Variants in PGAM5 observed in about 807,000 individuals in gnomAD.
The protein encoded by PGAM5 is serine/threonine-protein phosphatase PGAM5, mitochondrial.
Under a neutral mutation model 30.6 loss-of-function variants are expected in PGAM5, and 25 were observed. That is an observed-to-expected ratio of 0.82 (90% CI 0.60 to 1.14). PGAM5 has a LOEUF of 1.14. Ranked by LOEUF, PGAM5 falls within the 50% of genes most tolerant of loss-of-function variation. PGAM5 has a pLI of 0.00. For synonymous variants in PGAM5, 201 were observed against 179.1 expected (o/e 1.12, Z -0.98); for missense variants, 384 against 408.5 (o/e 0.94, Z 0.52).
At chr12:132,715,650 A>G (rs952820539) in intron 2 of PGAM5, among the ~76,000 whole-genome samples, 1 of 151,720 alleles carries the variant, frequency 6.6e-6, no homozygotes, top group African/African-American at 2.4e-5. Context: ...AGGCCGAGGC[A>G]GGTGGATCAC....
At chr12:132,719,487 G>A (rs2043621840) in intron 5 of PGAM5, among the ~76,000 whole-genome samples, 1 of 152,188 alleles carries the variant, frequency 6.6e-6, no homozygotes, top group African/African-American at 2.4e-5. Context: ...CAGGCTAAGT[G>A]AGTACCTGTT....
rs914433496 is a variant in PGAM5 at position 132,718,987 on chromosome 12, T to A, written c.719+867T>A. ...GTGCCCCACTCTCAGCACCACAGAATGATCCGGGTTCAGGTTGCGTTTTCC... is the reference window on the plus strand; with the variant it reads ...GTGCCCCACTCTCAGCACCACAGAAAGATCCGGGTTCAGGTTGCGTTTTCC... On this transcript the variant is annotated intron_variant, in intron 5 of 5. Transcript: ENST00000498926. The A allele has an allele frequency of 5.5e-6, 8 of 1,453,678 alleles. No individual in the cohort carries two copies. In the African/African-American group the frequency reaches 1.0e-4, roughly 18 times the overall value. 90.0% of individuals were successfully genotyped at this position (1,453,678 alleles called of 1,614,324 possible).
chr12:132,714,842 T>C lies in PGAM5; in HGVS notation c.192-16T>C. On this transcript the variant is annotated splice_polypyrimidine_tract_variant and intron_variant, in intron 1 of 5. Transcript: ENST00000498926. ...GAACAGAGGTCTCAAGGACATATCTTGTATTTCAACATCAGGCGAGAACCA... is the reference window on the plus strand; with the variant it reads ...GAACAGAGGTCTCAAGGACATATCTCGTATTTCAACATCAGGCGAGAACCA... 6.2e-7 allele frequency: 1 copy of C among 1,612,494 alleles called. No homozygotes were observed. Among genetic ancestry groups the C allele is most frequent in the South Asian group, 1.1e-5 (1 of 91,040 alleles).
intron 2 of PGAM5, 108 bp downstream of exon 2, chr12:132,715,144 CT>C (rs1366107997): frequency 2.5e-6 from 3 of 1,196,268 alleles, no homozygotes; most frequent in Non-Finnish European, 3.4e-6. Flanking sequence ...CGCCGACCCC[CT>C]TGGTCAGCTT....
In PGAM5 at chr12:132,718,402, G is replaced by T. The variant is rs1195747415; in HGVS notation, c.719+282G>T. Among the ~76,000 whole-genome samples the T allele has an allele frequency of 4.2e-5, 3 of 70,864 alleles. No homozygotes were observed. The East Asian group carries it at 1.2e-3, about 29-fold the overall frequency. 46.5% of individuals were successfully genotyped at this position (70,864 alleles called of 152,430 possible). On this transcript the variant is annotated intron_variant, in intron 5 of 5. Transcript: ENST00000498926. ...CGTGCTGGGTGGGGGGTCCTGAGTG[G>T]GGTGCGTGCTGGGTGGGGGTGTCCT...
Position 132,714,860 on chromosome 12 carries a change from G to A in PGAM5, c.194G>A (p.Arg65Gln), listed in dbSNP as rs778668617. The change falls in exon 2 of 6, where the codon CGA becomes CAA. Residue 65 changes from arginine to glutamine, a missense_variant and splice_region_variant. Coordinates refer to ENST00000498926, the MANE Select transcript of PGAM5 (RefSeq NM_001170543.2). ...CATATCTTGTATTTCAACATCAGGCGAGAACCACTGTCTCTGATCAACGTG... is the reference window on the plus strand; with the variant it reads ...CATATCTTGTATTTCAACATCAGGCAAGAACCACTGTCTCTGATCAACGTG... Reference protein sequence around the residue: ...PGVWDPNWDRREPLSLINVRK... With the variant: ...PGVWDPNWDRQEPLSLINVRK... 1.9e-6 allele frequency: 3 copies of A among 1,613,578 alleles called. No individual in the cohort carries two copies. Among genetic ancestry groups the A allele is most frequent in the Non-Finnish European group, 2.5e-6 (3 of 1,179,908 alleles).
intron 3 of PGAM5, 72 bp downstream of exon 3, chr12:132,717,636 C>A: frequency 6.3e-7 from 1 of 1,592,252 alleles, no homozygotes; most frequent in Non-Finnish European, 8.6e-7. Context: ...GCCTGAGCTC[C>A]TGGCCACCGG....
chr12:132,716,805 G>A (rs2043582207), intron 2 of PGAM5, among the ~76,000 whole-genome samples: 1 of 152,228 alleles, frequency 6.6e-6, no homozygotes, highest in Non-Finnish European at 1.5e-5. Flanking sequence ...GTGCAGGGCT[G>A]TCCTCCACAG....
In PGAM5 at chr12:132,717,808, T is replaced by A. The variant is rs556754583; in HGVS notation, c.585+10T>A. On this transcript the variant is annotated intron_variant, in intron 4 of 5. Transcript: ENST00000498926. ...GAAGCCGGAAGCTGTGGTAAAAACCTCCCCGGGGGGCAGCTGTGTCACCCT... is the reference window on the plus strand; with the variant it reads ...GAAGCCGGAAGCTGTGGTAAAAACCACCCCGGGGGGCAGCTGTGTCACCCT... 3.9e-5 allele frequency: 61 copies of A among 1,579,290 alleles called. No homozygotes were observed. The East Asian group carries it at 9.3e-4, about 24-fold the overall frequency.
chr12:132,720,705 G>C lies in PGAM5; in HGVS notation c.747G>C (p.Trp249Cys). The change falls in exon 6 of 6, where the codon TGG (tryptophan) becomes TGC (cysteine). Residue 249 changes from tryptophan to cysteine, a missense_variant. By Grantham distance (215) the Trp-to-Cys change is radical. Coordinates refer to ENST00000498926, the MANE Select transcript of PGAM5 (RefSeq NM_001170543.2). Reference sequence around the variant, plus strand: ...CACTGCAGTTTCCTCCTGAAGGCTGGCTCCGGCTCTCCCTCAATAATGGCA... The same window carrying C: ...CACTGCAGTTTCCTCCTGAAGGCTGCCTCCGGCTCTCCCTCAATAATGGCA... Reference protein sequence around the residue: ...CRALQFPPEGWLRLSLNNGSI... With the variant: ...CRALQFPPEGCLRLSLNNGSI... 6.5e-7 allele frequency: 1 copy of C among 1,536,078 alleles called. No individual in the cohort carries two copies. The highest frequency in any genetic ancestry group is 8.7e-7 in the Non-Finnish European group (1 of 1,146,802).
chr12:132,717,441 C>T lies in PGAM5; in HGVS notation c.373C>T (p.Arg125Trp), dbSNP rs752761978. 14 of 1,604,970 alleles carry T rather than the reference C, an allele frequency of 8.7e-6. No homozygotes were observed. The highest frequency in any genetic ancestry group is 8.4e-5 in the Admixed American group (5 of 59,642). The change falls in exon 3 of 6, where the codon CGG (arginine) becomes TGG (tryptophan). Residue 125 changes from arginine to tryptophan, a missense_variant and splice_region_variant. Physicochemically the swap from Arg to Trp is moderately radical, Grantham distance 101. Transcript: ENST00000498926. Reference sequence around the variant, plus strand: ...CTCAGGTGCCTTTCACCTTCCAGGTCGGGAGCAGGCTGAACTCACTGGGCT... The same window carrying T: ...CTCAGGTGCCTTTCACCTTCCAGGTTGGGAGCAGGCTGAACTCACTGGGCT... Reference protein sequence around the residue: ...EKDRTLTPLGREQAELTGLRL... With the variant: ...EKDRTLTPLGWEQAELTGLRL...
In PGAM5 at chr12:132,720,664, C is replaced by CT; in HGVS notation, c.720-13dup. ...GCTCTAACGTGCTCTTTCTCTCTCT[C>CT]TCTCTCTCCCCAGAGCACTGCAGTT... On this transcript the variant is annotated splice_polypyrimidine_tract_variant and intron_variant, in intron 5 of 5. Transcript: ENST00000498926. 1 of 1,533,534 alleles carries CT rather than the reference C, an allele frequency of 6.5e-7. No homozygotes were observed. Among genetic ancestry groups the CT allele is most frequent in the Non-Finnish European group, 8.7e-7 (1 of 1,145,062 alleles). 95.0% of individuals were successfully genotyped at this position (1,533,534 alleles called of 1,614,324 possible).
chr12:132,715,660 CCT>C (rs1235324950), intron 2 of PGAM5, among the ~76,000 whole-genome samples: 1 of 151,760 alleles, frequency 6.6e-6, no homozygotes, highest in African/African-American at 2.4e-5. Context: ...AGGTGGATCA[CCT>C]GAGGTCAGGA....
Position 132,721,798 on chromosome 12 carries a change from A to G in PGAM5, c.*970A>G, listed in dbSNP as rs995971541. 7.9e-5 allele frequency: 12 copies of G among 152,162 alleles called. No homozygotes were observed. Among genetic ancestry groups the G allele is most frequent in the African/African-American group, 2.7e-4 (11 of 41,434 alleles). 9.4% of individuals were successfully genotyped at this position (152,162 alleles called of 1,614,324 possible). A position where few individuals can be genotyped will look rare whatever the true frequency, so the allele number is the denominator to read the frequency against. On this transcript the variant is annotated 3_prime_UTR_variant, in exon 6 of 6. Coordinates refer to ENST00000498926, the MANE Select transcript of PGAM5 (RefSeq NM_001170543.2). ...AAGACAGGGTTTCATGGAGAAACCA[A>G]TATAGAATTGTTCAGGCTGGTCTCG...
intron 2 of PGAM5, among the ~76,000 whole-genome samples, chr12:132,716,971 T>G (rs1214679533): frequency 6.6e-6 from 1 of 152,192 alleles, no homozygotes; most frequent in Non-Finnish European, 1.5e-5. Context: ...TCTGCACTGG[T>G]GTCCGGCCCC....
rs1444729297 is a variant in PGAM5, at chr12:132,720,735, C to A, written c.777C>A (p.Ile259=). The change falls in exon 6 of 6, where the codon ATC becomes ATA. Residue 259 remains isoleucine, a synonymous_variant. Transcript: ENST00000498926. The part of the protein sequence containing the change: ...WLRLSLNNGS[I]THLVIRPNGR... The stretch of plus-strand genomic sequence containing the variant: ...GGCTCTCCCTCAATAATGGCAGCAT[C>A]ACCCACCTGGTGATCCGACCCAACG... The A allele has an allele frequency of 6.5e-7, 1 of 1,536,312 alleles. No homozygotes were observed. Among genetic ancestry groups the A allele is most frequent in the Non-Finnish European group, 8.7e-7 (1 of 1,146,870 alleles).
chr12:132,719,867 A>G (rs2043625480), intron 5 of PGAM5, among the ~76,000 whole-genome samples: 1 of 152,224 alleles, frequency 6.6e-6, no homozygotes, highest in Non-Finnish European at 1.5e-5. Context: ...AATTGTGCCT[A>G]AGAAGTGCAT....
chr12:132,715,684 G>T (rs151262346), intron 2 of PGAM5, among the ~76,000 whole-genome samples: 1 of 152,158 alleles, frequency 6.6e-6, no homozygotes, highest in African/African-American at 2.4e-5. Flanking sequence ...TTCGAGACCA[G>T]CCTGGCCAAC....
intron 2 of PGAM5, among the ~76,000 whole-genome samples, chr12:132,716,997 G>C (rs533796758): frequency 1.3e-5 from 2 of 152,336 alleles, no homozygotes; most frequent in South Asian, 4.1e-4. Context: ...AGCAGCTTGG[G>C]GTGTTTAGGT....
Sources: gnomAD v4.1 joint callset for allele counts (sites outside exome capture counted in the v4.1 genomes callset) on GRCh38, gnomAD v4.1.1 for gene constraint, MANE v1.5 for transcripts, NCBI Gene and HGNC (gene_info 2026-07-23, HGNC 2026-07-21) for gene names.